RSRC2: variants seen among roughly 807,000 people sequenced by gnomAD.
The protein encoded by RSRC2 is arginine/serine-rich coiled-coil protein 2.
In RSRC2, 5 loss-of-function variants were observed where a neutral mutation model predicts 61.3. The ratio of observed to expected loss-of-function variants is 0.08; its 90% CI spans 0.04 to 0.17. The LOEUF is 0.17. Among genes scored for constraint, RSRC2 ranks in the 10% least tolerant of loss-of-function variants. RSRC2 has a pLI of 1.00. For missense variants in RSRC2, 381 were observed against 518.8 expected, an observed-to-expected ratio of 0.73 and a Z score of 2.58; for synonymous variants, 202 against 166.5, an observed-to-expected ratio of 1.21 and a Z score of -1.64.
chr12:122,513,968 T>C (rs1958715237), intron 6 of RSRC2: 2 of 183,858 alleles, frequency 1.1e-5, no homozygotes, highest in Non-Finnish European at 2.1e-5. Context: ...GGAATTCAAG[T>C]ATGCAGTGAG....
At chr12:122,517,522 A>G (rs562379389) in intron 4 of RSRC2, 92 bp from the exon 5 acceptor site, 298 of 1,465,398 alleles carry the variant, frequency 2.0e-4, no homozygotes, top group South Asian at 9.6e-4. Flanking sequence ...GTAACGCAAT[A>G]AAGACAAGCA....
At chr12:122,510,036 G>C (rs1474989437) in intron 7 of RSRC2, among the ~76,000 whole-genome samples, 2 of 152,086 alleles carry the variant, frequency 1.3e-5, no homozygotes, top group Non-Finnish European at 2.9e-5. Context: ...TGGCCAGGCT[G>C]GTCTTGAACT....
At chr12:122,507,197 G>A (rs1325375987) in intron 8 of RSRC2, 12 of 401,562 alleles carry the variant, frequency 3.0e-5, no homozygotes, top group East Asian at 1.7e-4. Context: ...GGATGACTAG[G>A]TGAAACCCCG....
chr12:122,522,127 C>T lies in RSRC2; in HGVS notation c.163+16G>A. On this transcript the variant is annotated intron_variant, in intron 2 of 9. Transcript: ENST00000331738. ...TACAAATGCTGAGAGTTGTAACCAC[C>T]TTTAAGAATTCATACCTGACTTTCG... 6.2e-7 allele frequency: 1 copy of T among 1,605,030 alleles called. No individual in the cohort carries two copies. Among genetic ancestry groups the T allele is most frequent in the South Asian group, 1.1e-5 (1 of 89,718 alleles).
intron 6 of RSRC2, chr12:122,514,008 T>C (rs920793749): frequency 2.0e-5 from 3 of 153,580 alleles, no homozygotes; most frequent in African/African-American, 7.2e-5. Context: ...CACTCCAGCC[T>C]GGGTGGGACC....
chr12:122,522,441 C>G (rs1258691533), intron 1 of RSRC2, 142 bp from the exon 2 acceptor site: 1 of 754,900 alleles, frequency 1.3e-6, no homozygotes, highest in Non-Finnish European at 2.0e-6. Flanking sequence ...ACTAAATGTG[C>G]TTTGTACACT....
intron 5 of RSRC2, among the ~76,000 whole-genome samples, chr12:122,516,643 TTTA>T (rs1958951647): frequency 6.6e-6 from 1 of 152,118 alleles, no homozygotes; most frequent in South Asian, 2.1e-4. Context: ...AAAAGGAGAT[TTTA>T]GTTATTTGTG....
intron 6 of RSRC2, among the ~76,000 whole-genome samples, chr12:122,514,431 A>T (rs1317282904): frequency 6.6e-6 from 1 of 151,674 alleles, no homozygotes; most frequent in Non-Finnish European, 1.5e-5. Flanking sequence ...CGCCCAGCTA[A>T]TTTTTGTATT....
chr12:122,513,813 G>A (rs1367626294), intron 6 of RSRC2: 4 of 985,220 alleles, frequency 4.1e-6, no homozygotes, highest in Non-Finnish European at 3.6e-6. Context: ...TGGGTTCCCA[G>A]GGAAGCACAT....
At chr12:122,511,262 A>G in intron 6 of RSRC2, 74 bp from the exon 7 acceptor site, 1 of 1,095,248 alleles carries the variant, frequency 9.1e-7, no homozygotes. Context: ...CTATATGTGC[A>G]TGTACAGAGA....
chr12:122,504,288 G>A lies in RSRC2; in HGVS notation c.*1239C>T, dbSNP rs148009304. On this transcript the variant is annotated 3_prime_UTR_variant, in exon 10 of 10. Coordinates refer to ENST00000331738, the MANE Select transcript of RSRC2 (RefSeq NM_023012.6). ...AGTAAATTAACTTCAAGTTTTGCAG[G>A]CCCCCCCCACCCCTTGGCTCCAGAT... 1,593 of 151,702 alleles carry A rather than the reference G, an allele frequency of 0.011. 12 individuals carry two copies. The highest frequency in any genetic ancestry group is 0.019 in the Non-Finnish European group (1,271 of 67,940). The allele number at this position is 151,702 out of a possible 1,614,324, so 9.4% of individuals were successfully genotyped here. A position where few individuals can be genotyped will look rare whatever the true frequency, so the allele number is the denominator to read the frequency against.
chr12:122,515,240 G>GT lies in RSRC2; in HGVS notation c.603-14dup, dbSNP rs1288895205. On this transcript the variant is annotated splice_polypyrimidine_tract_variant and intron_variant, in intron 5 of 9. Transcript: ENST00000331738. ...CTTCTTTCTATCTCTGTAGTAAATC[G>GT]TATTTCATATGTCAAATTATGGCCA... 1 of 1,608,458 alleles carries GT rather than the reference G, an allele frequency of 6.2e-7. No homozygotes were observed.
At chr12:122,506,992 CAAT>C (rs1439585322) in intron 8 of RSRC2, 69 bp from the exon 9 acceptor site, 29 of 820,404 alleles carry the variant, frequency 3.5e-5, no homozygotes, top group South Asian at 6.0e-5. Flanking sequence ...AATCTCTCAA[CAAT>C]GTCTAAATTA....
chr12:122,505,870 C>A (rs1958083466), intron 9 of RSRC2, among the ~76,000 whole-genome samples, 164 bp from the exon 10 acceptor site: 1 of 152,046 alleles, frequency 6.6e-6, no homozygotes, highest in South Asian at 2.1e-4. Flanking sequence ...CCTCTGCCTC[C>A]TGGGTTTAAG....
intron 1 of RSRC2, among the ~76,000 whole-genome samples, chr12:122,526,555 G>A (rs776949605): frequency 2.6e-5 from 4 of 152,104 alleles, no homozygotes; most frequent in Non-Finnish European, 4.4e-5. Context: ...ACTAGCCAGG[G>A]TGAATAAGCG....
At chr12:122,512,274 T>C (rs961007041) in intron 6 of RSRC2, among the ~76,000 whole-genome samples, 7 of 152,242 alleles carry the variant, frequency 4.6e-5, no homozygotes, top group Non-Finnish European at 1.0e-4. Flanking sequence ...AAAGAGGAAC[T>C]CTTTTCTTCC....
chr12:122,511,123 T>A lies in RSRC2; in HGVS notation c.791A>T (p.Gln264Leu). 6.2e-7 allele frequency: 1 copy of A among 1,605,402 alleles called. No homozygotes were observed. Among genetic ancestry groups the A allele is most frequent in the Non-Finnish European group, 8.5e-7 (1 of 1,178,614 alleles). Residue 264 changes from glutamine to leucine, a missense_variant, in exon 7 of 10, where the codon CAA becomes CTA. By Grantham distance (113) the Gln-to-Leu change is moderately radical. Transcript: ENST00000331738. ...EKEMVEKQKQ[Q>L]EIAAAAATGG... ...AAAAAAATTACCTGCAGCTATTTCT[T>A]GTTGTTTTTGTTTTTCAACCATTTC...
chr12:122,507,041 TAA>T, intron 8 of RSRC2, 118 bp from the exon 9 acceptor site: 1 of 680,956 alleles, frequency 1.5e-6, no homozygotes, highest in South Asian at 1.6e-5. Flanking sequence ...TCAATCAATG[TAA>T]GTTTAATTAT....
At chr12:122,521,982 G>A (rs1959263490) in intron 2 of RSRC2, among the ~76,000 whole-genome samples, 161 bp downstream of exon 2, 1 of 152,156 alleles carries the variant, frequency 6.6e-6, no homozygotes, top group Non-Finnish European at 1.5e-5. Context: ...TTTTGGTCCT[G>A]GCTCAGGTGA....
Sources: gnomAD v4.1 joint callset for allele counts (sites outside exome capture counted in the v4.1 genomes callset) on GRCh38, gnomAD v4.1.1 for gene constraint, MANE v1.5 for transcripts, NCBI Gene and HGNC (gene_info 2026-07-23, HGNC 2026-07-21) for gene names.